Variants in MED12L observed in about 807,000 individuals in gnomAD.
MED12L encodes mediator complex subunit 12L, also known as mediator of RNA polymerase II transcription subunit 12-like protein.
MED12L carries 60 observed loss-of-function variants against 281.3 expected under a neutral mutation model. The observed-to-expected ratio is 0.21, with a 90% CI of 0.17 to 0.26. MED12L has a LOEUF of 0.26. MED12L is among the 10% of genes least tolerant of loss of function. MED12L has a pLI of 1.00. For missense variants in MED12L, 2,146 were observed against 2,680.9 expected, an observed-to-expected ratio of 0.80 and a Z score of 4.41; for synonymous variants, 974 against 987.2, an observed-to-expected ratio of 0.99 and a Z score of 0.25.
chr3:151,213,726 A>C (rs772857114), intron 16 of MED12L: 1 of 1,614,210 alleles, frequency 6.2e-7, no homozygotes, highest in East Asian at 2.2e-5. Context: ...AAAGAAACAC[A>C]ATCCAGAAGA....
intron 17 of MED12L, 96 bp from the exon 18 acceptor site, chr3:151,355,025 C>T (rs1753735852): frequency 2.4e-6 from 2 of 822,830 alleles, no homozygotes; most frequent in Non-Finnish European, 4.1e-6. Context: ...GTGCACTTTT[C>T]TGTATGTATG....
chr3:151,159,580 G>A (rs1156246995), intron 7 of MED12L, among the ~76,000 whole-genome samples: 1 of 152,156 alleles, frequency 6.6e-6, no homozygotes, highest in Non-Finnish European at 1.5e-5. Context: ...CTGTTGAAAT[G>A]ATAACATTTG....
intron 16 of MED12L, among the ~76,000 whole-genome samples, chr3:151,223,704 C>G (rs4680250): frequency 0.68 from 103,718 of 152,066 alleles, 35,683 homozygotes; most frequent in African/African-American, 0.74. Flanking sequence ...AGGTAGGAAG[C>G]GGGGAAATGG....
chr3:151,339,550 A>G (rs1751525145), intron 16 of MED12L, among the ~76,000 whole-genome samples: 1 of 151,982 alleles, frequency 6.6e-6, no homozygotes, highest in Non-Finnish European at 1.5e-5. Flanking sequence ...AAATATTTTA[A>G]CCCATGTGTA....
intron 16 of MED12L, chr3:151,199,174 A>C: frequency 6.2e-7 from 1 of 1,614,248 alleles, no homozygotes; most frequent in Non-Finnish European, 8.5e-7. Context: ...AGTCAACAAC[A>C]ATTTTCACTG....
intron 43 of MED12L, among the ~76,000 whole-genome samples, chr3:151,427,304 C>T (rs1360200296): frequency 2.6e-5 from 4 of 152,144 alleles, no homozygotes; most frequent in African/African-American, 9.7e-5. Flanking sequence ...GATAACCTGA[C>T]AGAGTCTTGG....
At chr3:151,328,419 A>G (rs756603051) in intron 16 of MED12L, 4 of 1,613,582 alleles carry the variant, frequency 2.5e-6, no homozygotes, top group Non-Finnish European at 3.4e-6. Flanking sequence ...ATAAACTGGC[A>G]TATGTTATTT....
chr3:151,386,490 A>G (rs989159894), intron 36 of MED12L, among the ~76,000 whole-genome samples: 4 of 152,048 alleles, frequency 2.6e-5, no homozygotes, highest in Non-Finnish European at 4.4e-5. Flanking sequence ...CTCGGGTTCA[A>G]ACGATTCTCC....
In MED12L at chr3:151,377,170, A is replaced by G. The variant is rs778625073; in HGVS notation, c.4308A>G (p.Thr1436=). 2 of 1,605,520 alleles carry G rather than the reference A, an allele frequency of 1.2e-6. No individual in the cohort carries two copies. The highest frequency in any genetic ancestry group is 1.7e-6 in the Non-Finnish European group (2 of 1,177,194). Residue 1436 remains threonine (T), a synonymous_variant, in exon 30 of 45, where the codon ACA becomes ACG. Coordinates refer to ENST00000687756, the MANE Select transcript of MED12L (RefSeq NM_001393769.1). Reference sequence around the variant, plus strand: ...GCACGAGACAGAATGGAATAAAGACATTCCTAAGGTATTTTTGTCTGTTGT... The same window carrying G: ...GCACGAGACAGAATGGAATAAAGACGTTCCTAAGGTATTTTTGTCTGTTGT... The part of the protein sequence containing the change: ...TSSTRQNGIK[T]FLSSSERRGV...
intron 43 of MED12L, among the ~76,000 whole-genome samples, chr3:151,420,589 C>T (rs372591374): frequency 2.6e-4 from 39 of 152,284 alleles, no homozygotes; most frequent in Admixed American, 2.4e-3. Context: ...AGAGCATACA[C>T]GGCCTTCTGG....
chr3:151,151,400 CA>C (rs1483894267), intron 5 of MED12L, among the ~76,000 whole-genome samples: 4 of 152,004 alleles, frequency 2.6e-5, no homozygotes, highest in African/African-American at 9.7e-5. Context: ...GGCTGTTTGG[CA>C]TAAGAGACCT....
intron 38 of MED12L, among the ~76,000 whole-genome samples, chr3:151,392,203 C>T (rs1339015806): frequency 6.6e-6 from 1 of 151,954 alleles, no homozygotes; most frequent in African/African-American, 2.4e-5. Context: ...GTGGCTGACA[C>T]CTGTAATCCC....
At chr3:151,169,408 A>C (rs1173284262) in intron 11 of MED12L, among the ~76,000 whole-genome samples, 1 of 152,030 alleles carries the variant, frequency 6.6e-6, no homozygotes, top group African/African-American at 2.4e-5. Flanking sequence ...GGCATGAGCC[A>C]CCGTGCCCAG....
At chr3:151,153,970 T>C (rs572081561) in intron 5 of MED12L, among the ~76,000 whole-genome samples, 45 of 152,302 alleles carry the variant, frequency 3.0e-4, no homozygotes, top group African/African-American at 1.0e-3. Context: ...TGTTAAAAGT[T>C]CCCGTCACCA....
At chr3:151,340,563 A>G (rs1751684256) in intron 16 of MED12L, 1 of 152,620 alleles carries the variant, frequency 6.6e-6, no homozygotes, top group Non-Finnish European at 1.5e-5. Context: ...GTAAATACAT[A>G]TATTTGTCAA....
chr3:151,252,777 C>A (rs1737091983), intron 16 of MED12L, among the ~76,000 whole-genome samples: 1 of 152,036 alleles, frequency 6.6e-6, no homozygotes, highest in African/African-American at 2.4e-5. Context: ...ACTAACTTAT[C>A]TACTAACTAG....
chr3:151,388,226 T>A, intron 37 of MED12L, 54 bp downstream of exon 37: 2 of 1,527,942 alleles, frequency 1.3e-6, no homozygotes, highest in Non-Finnish European at 1.7e-6. Flanking sequence ...GTATGAGATT[T>A]ACTCGTGCCC....
chr3:151,428,350 G>T (rs1284228918), intron 43 of MED12L, among the ~76,000 whole-genome samples: 1 of 152,206 alleles, frequency 6.6e-6, no homozygotes, highest in Non-Finnish European at 1.5e-5. Context: ...ATGAAAGATT[G>T]ATTTTTATTT....
chr3:151,290,333 CT>C (rs10708332), intron 16 of MED12L, among the ~76,000 whole-genome samples: 125,677 of 152,064 alleles, frequency 0.83, 52,270 homozygotes, highest in African/African-American at 0.93. Flanking sequence ...CTAAGGATGA[CT>C]TTTTTTTAAA....
Sources: allele counts gnomAD v4.1 joint callset (sites outside exome capture counted in the v4.1 genomes callset), GRCh38; gene constraint gnomAD v4.1.1; transcripts MANE v1.5; gene names NCBI Gene and HGNC (gene_info 2026-07-23, HGNC 2026-07-21).